The following IDO2 variants were observed in gnomAD, a reference collection of about 807,000 sequenced individuals.
IDO2 encodes the protein indoleamine 2,3-dioxygenase 2, also known as indoleamine 2,3-dioxygenase-like 1 protein.
A neutral mutation model predicts 45.1 loss-of-function variants in IDO2; 46 were observed. The observed-to-expected ratio is 1.02, with a 90% CI of 0.80 to 1.30. The LOEUF (loss-of-function observed/expected upper bound fraction) is 1.30, where lower values mean the gene tolerates loss of function less well. IDO2 is among the 50% of genes most tolerant of loss of function. The pLI is 0.00. For synonymous variants in IDO2, 218 were observed against 184.9 expected, an observed-to-expected ratio of 1.18 and a Z score of -1.45; for missense variants, 544 against 491.8, an observed-to-expected ratio of 1.11 and a Z score of -1.00.
intron 8 of IDO2, among the ~76,000 whole-genome samples, chr8:39,999,202 T>G (rs1181689306): frequency 1.3e-5 from 2 of 151,952 alleles, no homozygotes; most frequent in African/African-American, 4.8e-5. Context: ...CCTGACTATG[T>G]GTACCTGTTT....
intron 9 of IDO2, among the ~76,000 whole-genome samples, chr8:40,010,904 A>G (rs2129595544): frequency 6.6e-6 from 1 of 152,178 alleles, no homozygotes; most frequent in Non-Finnish European, 1.5e-5. Context: ...AATAGTCAGG[A>G]TATAGGCTTT....
chr8:40,004,964 G>A (rs564174739), intron 8 of IDO2, among the ~76,000 whole-genome samples: 1 of 152,328 alleles, frequency 6.6e-6, no homozygotes, highest in South Asian at 2.1e-4. Context: ...AAAACCTTGA[G>A]AGAGGTAATT....
At chr8:40,005,329 T>G (rs1802204209) in exon 9 of IDO2, 1 of 1,573,104 alleles carries the variant, frequency 6.4e-7, no homozygotes, top group Non-Finnish European at 8.7e-7. Flanking sequence ...TTCTCCAGAT[T>G]ATGTAGATCC....
intron 8 of IDO2, among the ~76,000 whole-genome samples, chr8:39,997,311 G>A (rs1242161920): frequency 1.3e-5 from 2 of 152,064 alleles, no homozygotes; most frequent in Non-Finnish European, 2.9e-5. Flanking sequence ...ACATGCAGGA[G>A]TCTTACGGAA....
intron 3 of IDO2, among the ~76,000 whole-genome samples, chr8:39,972,623 A>G (rs1335228102): frequency 6.6e-6 from 1 of 151,048 alleles, no homozygotes; most frequent in Non-Finnish European, 1.5e-5. Context: ...AAAAAAAAAA[A>G]AAAAAAAAAA....
At chr8:40,000,736 C>G (rs1802122712) in intron 8 of IDO2, among the ~76,000 whole-genome samples, 1 of 152,142 alleles carries the variant, frequency 6.6e-6, no homozygotes, top group Admixed American at 6.5e-5. Flanking sequence ...GGGTGGACAC[C>G]AGGGAGTTGA....
chr8:40,011,779 G>T (rs1164071366), intron 9 of IDO2, among the ~76,000 whole-genome samples: 1 of 152,244 alleles, frequency 6.6e-6, no homozygotes, highest in Non-Finnish European at 1.5e-5. Context: ...CTGAGGCTCA[G>T]AGAGGTTAAT....
chr8:40,003,470 T>G (rs917338972), intron 8 of IDO2, among the ~76,000 whole-genome samples: 1 of 152,132 alleles, frequency 6.6e-6, no homozygotes, highest in South Asian at 2.1e-4. Flanking sequence ...ATCTTCTGCT[T>G]TATTCATAGT....
chr8:39,995,442 G>A (rs2032723), intron 8 of IDO2, among the ~76,000 whole-genome samples: 16,901 of 150,968 alleles, frequency 0.11, 1,378 homozygotes, highest in East Asian at 0.34. Flanking sequence ...CACCACGCCC[G>A]GATAATTTTT....
At chr8:40,001,880 G>A (rs1802143236) in intron 8 of IDO2, among the ~76,000 whole-genome samples, 3 of 151,806 alleles carry the variant, frequency 2.0e-5, no homozygotes. Context: ...TCTGCCTCCT[G>A]GGTTCAGCAA....
At chr8:39,959,946 T>C (rs1185024976) in intron 2 of IDO2, among the ~76,000 whole-genome samples, 1 of 151,746 alleles carries the variant, frequency 6.6e-6, no homozygotes, top group Non-Finnish European at 1.5e-5. Flanking sequence ...ACCACTGCAC[T>C]TTAGACTGAG....
At chr8:39,944,029 C>A (rs1807693931) in intron 1 of IDO2, among the ~76,000 whole-genome samples, 1 of 152,122 alleles carries the variant, frequency 6.6e-6, no homozygotes, top group Non-Finnish European at 1.5e-5. Context: ...AATCAAACAA[C>A]TTTCAAAACT....
At chr8:39,948,110 G>T (rs1051323418) in intron 1 of IDO2, among the ~76,000 whole-genome samples, 1 of 152,136 alleles carries the variant, frequency 6.6e-6, no homozygotes, top group Non-Finnish European at 1.5e-5. Context: ...TTTCTTTACG[G>T]CACGGAAGAA....
At chr8:39,962,493 G>A (rs1345805184) in intron 2 of IDO2, among the ~76,000 whole-genome samples, 1 of 152,096 alleles carries the variant, frequency 6.6e-6, no homozygotes, top group African/African-American at 2.4e-5. Flanking sequence ...TAACTTTCTA[G>A]GCTCATCTTT....
intron 2 of IDO2, among the ~76,000 whole-genome samples, chr8:39,960,790 TA>T (rs1336461692): frequency 1.3e-5 from 2 of 152,044 alleles, no homozygotes; most frequent in South Asian, 2.1e-4. Context: ...TTAATTAATT[TA>T]TTTTTTTTTG....
chr8:40,015,319 C>A lies in IDO2; in HGVS notation c.941C>A (p.Ala314Glu), dbSNP rs1032107204. ...GCCTTCATAGAAGACATCCACTCAG[C>A]ACCTTCCCTGAGGGACTACATCCTG... is the stretch of plus-strand genomic sequence containing the variant. Residue 314 changes from alanine to glutamate, a missense_variant, in exon 11 of 11, where the codon GCA becomes GAA. Physicochemically the swap from Ala to Glu is moderately radical, Grantham distance 107. Transcript: ENST00000502986. 5 of 1,613,704 alleles carry A rather than the reference C, an allele frequency of 3.1e-6. No individual in the cohort carries two copies. In the African/African-American group the frequency reaches 4.0e-5, roughly 13 times the overall value.
intron 8 of IDO2, among the ~76,000 whole-genome samples, chr8:39,999,856 A>C (rs535179680): frequency 2.0e-5 from 3 of 152,324 alleles, no homozygotes; most frequent in Admixed American, 6.5e-5. Context: ...CAATCTGAGA[A>C]TATTCTCCGT....
chr8:39,969,072 T>C (rs577889742), intron 3 of IDO2, among the ~76,000 whole-genome samples: 1 of 152,302 alleles, frequency 6.6e-6, no homozygotes, highest in African/African-American at 2.4e-5. Flanking sequence ...TATACTCTAA[T>C]TGGTAAATCA....
At chr8:39,980,790 C>A (rs1808330593) in intron 4 of IDO2, among the ~76,000 whole-genome samples, 1 of 152,156 alleles carries the variant, frequency 6.6e-6, no homozygotes, top group Non-Finnish European at 1.5e-5. Flanking sequence ...ACTCTTGTCG[C>A]CCAGGCTAGA....
Sources: gnomAD v4.1 joint callset for allele counts (sites outside exome capture counted in the v4.1 genomes callset) on GRCh38, gnomAD v4.1.1 for gene constraint, MANE v1.5 for transcripts, NCBI Gene and HGNC (gene_info 2026-07-23, HGNC 2026-07-21) for gene names.